The following OGFRL1 variants were observed in gnomAD, a reference collection of about 807,000 sequenced individuals.
The protein encoded by OGFRL1 is opioid growth factor receptor-like protein 1.
In OGFRL1, 26 loss-of-function variants were observed where a neutral mutation model predicts 32.4. The observed-to-expected ratio is 0.80, with a 90% confidence interval of 0.59 to 1.11. OGFRL1 has a LOEUF of 1.11. Ranked by LOEUF, OGFRL1 falls within the 50% of genes most tolerant of loss-of-function variation. OGFRL1 has a pLI of 0.00. For missense variants in OGFRL1, 521 were observed against 546.4 expected, an observed-to-expected ratio of 0.95 and a Z score of 0.46; for synonymous variants, 211 against 201.2, an observed-to-expected ratio of 1.05 and a Z score of -0.41.
rs895992677 is a variant in OGFRL1 at position 71,296,326 on chromosome 6, T to C, written c.410T>C (p.Ile137Thr). 8.1e-6 allele frequency: 13 copies of C among 1,600,234 alleles called. No individual in the cohort carries two copies. Among genetic ancestry groups the C allele is most frequent in the African/African-American group, 1.3e-5 (1 of 74,696 alleles). The change falls in exon 4 of 7, where the codon ATT becomes ACT. Residue 137 changes from isoleucine to threonine, a missense_variant. Ile to Thr is a moderately conservative substitution (Grantham distance 89, BLOSUM62 -1). Transcript: ENST00000370435. ...AATATTTACTATTTAGGTGTTTACATTGAAGAAGTTCTAAGTAAATGGAAA... is the reference window on the plus strand; with the variant it reads ...AATATTTACTATTTAGGTGTTTACACTGAAGAAGTTCTAAGTAAATGGAAA... ...KIPFKPDGVY[I>T]EEVLSKWKGD...
rs375906978 is a variant in OGFRL1, at chr6:71,296,841, T to C, written c.692+24T>C. 1.4e-5 allele frequency: 22 copies of C among 1,605,448 alleles called. No homozygotes were observed. In the Admixed American group the frequency reaches 2.8e-4, roughly 20 times the overall value. On this transcript the variant is annotated intron_variant, in intron 6 of 6. Coordinates refer to ENST00000370435, the MANE Select transcript of OGFRL1 (RefSeq NM_024576.5). ...GAGTAAGTAAAGCCCCTGTGATAAATCAGGGGCCAGCACAGTTATTTTCCC... is the reference window on the plus strand; with the variant it reads ...GAGTAAGTAAAGCCCCTGTGATAAACCAGGGGCCAGCACAGTTATTTTCCC...
intron 1 of OGFRL1, among the ~76,000 whole-genome samples, chr6:71,293,076 T>C (rs1766096812): frequency 6.6e-6 from 1 of 152,184 alleles, no homozygotes; most frequent in Non-Finnish European, 1.5e-5. Context: ...GTAATATATC[T>C]TAGGACAAAT....
In OGFRL1 at chr6:71,288,987, G is replaced by A. The variant is rs1291677926; in HGVS notation, c.51G>A (p.Glu17=). ...GCTTCCGCGAGCCCACCACCGTGGAGGACTGCGACTCCACCTGGCAGACCG... is the reference window on the plus strand; with the variant it reads ...GCTTCCGCGAGCCCACCACCGTGGAAGACTGCGACTCCACCTGGCAGACCG... The part of the protein sequence containing the change: ...GVSFREPTTV[E]DCDSTWQTDS... Residue 17 remains glutamate, a synonymous_variant, in exon 1 of 7, where the codon GAG becomes GAA. Coordinates refer to ENST00000370435, the MANE Select transcript of OGFRL1 (RefSeq NM_024576.5). 11 of 1,394,628 alleles carry A rather than the reference G, an allele frequency of 7.9e-6. No homozygotes were observed. Among genetic ancestry groups the A allele is most frequent in the Middle Eastern group, 2.1e-4 (1 of 4,862 alleles). 86.4% of individuals were successfully genotyped at this position (1,394,628 alleles called of 1,614,324 possible).
intron 1 of OGFRL1, among the ~76,000 whole-genome samples, chr6:71,292,942 A>T (rs181442222): frequency 2.6e-5 from 4 of 152,208 alleles, no homozygotes; most frequent in African/African-American, 4.8e-5. Flanking sequence ...TTATCATAGA[A>T]TCACTTGCAT....
intron 6 of OGFRL1, among the ~76,000 whole-genome samples, chr6:71,299,562 T>C (rs1183811050): frequency 1.3e-5 from 2 of 152,194 alleles, no homozygotes. Context: ...GTTGCAAATA[T>C]AGTAAATTTT....
rs1236349079 is a variant in OGFRL1 at position 71,302,112 on chromosome 6, C to T, written c.*63C>T. 2 of 1,366,748 alleles carry T rather than the reference C, an allele frequency of 1.5e-6. No individual in the cohort carries two copies. Among genetic ancestry groups the T allele is most frequent in the Non-Finnish European group, 1.9e-6 (2 of 1,037,476 alleles). The allele number at this position is 1,366,748 out of a possible 1,614,324, so 84.7% of individuals were successfully genotyped here. ...GGAAAAAACTACTGTATCATTTATCCTAAAGAACAGAGATGAGGTCAATTT... is the reference window on the plus strand; with the variant it reads ...GGAAAAAACTACTGTATCATTTATCTTAAAGAACAGAGATGAGGTCAATTT... On this transcript the variant is annotated 3_prime_UTR_variant, in exon 7 of 7. Coordinates refer to ENST00000370435, the MANE Select transcript of OGFRL1 (RefSeq NM_024576.5).
chr6:71,290,519 A>T (rs2149351060), intron 1 of OGFRL1, among the ~76,000 whole-genome samples: 1 of 152,336 alleles, frequency 6.6e-6, no homozygotes, highest in East Asian at 1.9e-4. Context: ...AAACATTTTA[A>T]TAATGTTCAG....
At chr6:71,295,477 G>A (rs980180890) in intron 3 of OGFRL1, 1 of 152,156 alleles carries the variant, frequency 6.6e-6, no homozygotes, top group African/African-American at 2.4e-5. Context: ...GGAGGATTTT[G>A]TTTTTGTAAG....
intron 6 of OGFRL1, among the ~76,000 whole-genome samples, chr6:71,300,029 C>G (rs906621700): frequency 6.6e-6 from 1 of 152,116 alleles, no homozygotes; most frequent in East Asian, 1.9e-4. Flanking sequence ...CTCTGCCATC[C>G]CTTAATTCAT....
intron 1 of OGFRL1, among the ~76,000 whole-genome samples, chr6:71,291,188 T>G (rs1234621201): frequency 6.6e-6 from 1 of 152,154 alleles, no homozygotes; most frequent in African/African-American, 2.4e-5. Context: ...ACTGACAGTG[T>G]TTCAGGAAGG....
intron 1 of OGFRL1, 23 bp downstream of exon 1, chr6:71,289,193 C>A: frequency 9.4e-7 from 1 of 1,065,704 alleles, no homozygotes; most frequent in South Asian, 4.0e-5. Context: ...GCGGTGGCCT[C>A]GGGTCGGGCT....
chr6:71,289,548 T>TAAA (rs1158690810), intron 1 of OGFRL1: 8,577 of 530,720 alleles, frequency 0.016, 57 homozygotes, highest in South Asian at 0.031. Context: ...GTGTTATTGG[T>TAAA]AAAAAAAAAA....
At chr6:71,290,006 A>G (rs1435146960) in intron 1 of OGFRL1, among the ~76,000 whole-genome samples, 1 of 152,192 alleles carries the variant, frequency 6.6e-6, no homozygotes, top group East Asian at 1.9e-4. Context: ...CCAAAGTCCA[A>G]TGTGACCACA....
chr6:71,292,119 C>T (rs971304198), intron 1 of OGFRL1: 2 of 152,132 alleles, frequency 1.3e-5, no homozygotes, highest in African/African-American at 4.8e-5. Context: ...TGGAGAGTGC[C>T]TTCTATACAA....
At chr6:71,297,060 A>T (rs566061861) in intron 6 of OGFRL1, among the ~76,000 whole-genome samples, 1 of 147,554 alleles carries the variant, frequency 6.8e-6, no homozygotes, top group Non-Finnish European at 1.5e-5. Flanking sequence ...TCTCCCTGAA[A>T]CCTTCCTATT....
rs1387562982 is a variant in OGFRL1 at position 71,308,220 on chromosome 6, G to C, written c.*6171G>C. On this transcript the variant is annotated 3_prime_UTR_variant, in exon 7 of 7. Transcript: ENST00000370435. ...CAGATAAGAGAAAGACTCAGTGATA[G>C]GTGGTTTGTGAGTGAAGTAACTTCC... The C allele has an allele frequency of 6.6e-6, 1 of 152,248 alleles. No homozygotes were observed. The highest frequency in any genetic ancestry group is 2.1e-4 in the South Asian group (1 of 4,838). 9.4% of individuals were successfully genotyped at this position (152,248 alleles called of 1,614,324 possible).
chr6:71,301,824 A>G lies in OGFRL1; in HGVS notation c.1131A>G (p.Thr377=). The part of the protein sequence containing the change: ...KVAPKEPVEE[T]DRPSPEPSNE... Reference sequence around the variant, plus strand: ...CACCAAAAGAGCCTGTGGAAGAGACAGACAGGCCCAGCCCAGAGCCCAGCA... The same window carrying G: ...CACCAAAAGAGCCTGTGGAAGAGACGGACAGGCCCAGCCCAGAGCCCAGCA... The change falls in exon 7 of 7, where the codon ACA becomes ACG. Residue 377 remains threonine (T), a synonymous_variant. Transcript: ENST00000370435. The G allele has an allele frequency of 6.2e-7, 1 of 1,613,116 alleles. No homozygotes were observed. Among genetic ancestry groups the G allele is most frequent in the Non-Finnish European group, 8.5e-7 (1 of 1,179,776 alleles).
At position 71,298,818 on chromosome 6, in the gene OGFRL1, T is replaced by C. The variant is rs1254271544; in HGVS notation, c.692+2001T>C. On this transcript the variant is annotated intron_variant, in intron 6 of 6. Transcript: ENST00000370435. ...GGATTCTATGAAAACGTCTGTTCTATTTTCTTCTTCAATTGGGTCCTTTTC... is the reference window on the plus strand; with the variant it reads ...GGATTCTATGAAAACGTCTGTTCTACTTTCTTCTTCAATTGGGTCCTTTTC... Among the ~76,000 whole-genome samples, 7 of 152,318 alleles carry C rather than the reference T, an allele frequency of 4.6e-5. No individual in the cohort carries two copies. The East Asian group carries it at 1.2e-3, about 25-fold the overall frequency.
At chr6:71,301,353 C>T (rs1475751397) in intron 6 of OGFRL1, 33 bp from the exon 7 acceptor site, 1 of 1,501,190 alleles carries the variant, frequency 6.7e-7, no homozygotes. Flanking sequence ...CACCTGATTT[C>T]CCCCACTCAT....
Sources: allele counts gnomAD v4.1 joint callset (sites outside exome capture counted in the v4.1 genomes callset), GRCh38; gene constraint gnomAD v4.1.1; transcripts MANE v1.5; gene names NCBI Gene and HGNC (gene_info 2026-07-23, HGNC 2026-07-21).